Variants in RANBP10 observed in about 807,000 individuals in gnomAD.
RANBP10 encodes RAN binding protein 10, also known as ran-binding protein 10.
In RANBP10, 24 loss-of-function variants were observed where a neutral mutation model predicts 72.8. The observed-to-expected ratio is 0.33, with a 90% CI of 0.24 to 0.46. RANBP10 has a LOEUF of 0.46. Ranked by LOEUF, RANBP10 falls within the 20% of genes least tolerant of loss-of-function variation. The probability of loss-of-function intolerance (pLI) is 1.00; values close to 1 mark genes in which losing one functional copy is unlikely to be tolerated. For synonymous variants in RANBP10, 310 were observed against 322.3 expected, an observed-to-expected ratio of 0.96 and a Z score of 0.41; for missense variants, 679 against 817.5, an observed-to-expected ratio of 0.83 and a Z score of 2.07.
Position 67,729,791 on chromosome 16 carries a change from T to C in RANBP10, c.1036A>G (p.Ser346Gly). 6.2e-7 allele frequency: 1 copy of C among 1,614,094 alleles called. No individual in the cohort carries two copies. Among genetic ancestry groups the C allele is most frequent in the African/African-American group, 1.3e-5 (1 of 75,038 alleles). ...QFVEMVNGTDSEVRSLSSRSP... is the reference protein window; with the variant it reads ...QFVEMVNGTDGEVRSLSSRSP... ...CGGGAGCTCAAACTTCGGACCTCAC[T>C]GTCCGTCCCATTCACCATCTCCACA... is the stretch of plus-strand genomic sequence containing the variant. Residue 346 changes from serine to glycine, a missense_variant, in exon 9 of 14, where the codon AGT (serine) becomes GGT (glycine). By Grantham distance (56) the Ser-to-Gly change is moderately conservative. Transcript: ENST00000317506. This position sits in a 1 kb window ranked among gnomAD's most constrained non-coding sequence, Gnocchi z 7.1.
intron 2 of RANBP10, among the ~76,000 whole-genome samples, chr16:67,788,545 C>A (rs1398085056): frequency 6.6e-6 from 1 of 151,626 alleles, no homozygotes; most frequent in East Asian, 1.9e-4. Flanking sequence ...CGTGAGCCAG[C>A]GCGCCCAGCC....
chr16:67,783,457 T>C (rs912879339), intron 2 of RANBP10, among the ~76,000 whole-genome samples: 12 of 152,140 alleles, frequency 7.9e-5, no homozygotes, highest in Admixed American at 1.3e-4. Flanking sequence ...TGAAGAGTTC[T>C]GAGGTGACAA....
intron 2 of RANBP10, among the ~76,000 whole-genome samples, chr16:67,783,082 C>T (rs2054844192): frequency 6.6e-6 from 1 of 152,140 alleles, no homozygotes; most frequent in South Asian, 2.1e-4. Context: ...CACAACAGTA[C>T]AGCTTCAGAA....
At chr16:67,782,369 A>G (rs909753319) in intron 2 of RANBP10, among the ~76,000 whole-genome samples, 9 of 152,138 alleles carry the variant, frequency 5.9e-5, no homozygotes, top group Admixed American at 6.6e-5. Context: ...TCAAGCGATC[A>G]GCCTGCCTTG....
At chr16:67,780,110 T>C (rs550245668) in intron 2 of RANBP10, among the ~76,000 whole-genome samples, 1 of 152,070 alleles carries the variant, frequency 6.6e-6, no homozygotes, top group African/African-American at 2.4e-5. Flanking sequence ...CGGGTGCCTG[T>C]AGTCCCAGCT....
chr16:67,793,456 T>C (rs536365320), intron 2 of RANBP10, among the ~76,000 whole-genome samples: 2 of 150,806 alleles, frequency 1.3e-5, no homozygotes, highest in South Asian at 4.2e-4. Context: ...GGATTACAGG[T>C]ATACGCCACC....
In RANBP10 at chr16:67,761,480, T is replaced by C. The variant is rs541118743; in HGVS notation, c.400+10554A>G. 2.0e-5 allele frequency among the ~76,000 whole-genome samples: 3 copies of C among 152,364 alleles called. No homozygotes were observed. The South Asian group carries it at 6.2e-4, about 32-fold the overall frequency. Reference sequence around the variant, plus strand: ...CTACAGCTACCGTACTAAACACGCCTATTCAAACACAGAAGACCAAGCACT... The same window carrying C: ...CTACAGCTACCGTACTAAACACGCCCATTCAAACACAGAAGACCAAGCACT... On this transcript the variant is annotated intron_variant, in intron 3 of 13. Coordinates refer to ENST00000317506, the MANE Select transcript of RANBP10 (RefSeq NM_020850.3).
At position 67,790,168 on chromosome 16, in the gene RANBP10, C is replaced by G. The variant is rs541678751; in HGVS notation, c.347+15260G>C. 3.3e-5 allele frequency among the ~76,000 whole-genome samples: 5 copies of G among 150,134 alleles called. No individual in the cohort carries two copies. The South Asian group carries it at 8.3e-4, about 25-fold the overall frequency. ...CCACAACACAGATAAACCTTGAAAACATAATGCTATGTGAAATGGGTCAGA... is the reference window on the plus strand; with the variant it reads ...CCACAACACAGATAAACCTTGAAAAGATAATGCTATGTGAAATGGGTCAGA... On this transcript the variant is annotated intron_variant, in intron 2 of 13. Coordinates refer to ENST00000317506, the MANE Select transcript of RANBP10 (RefSeq NM_020850.3).
intron 4 of RANBP10, among the ~76,000 whole-genome samples, chr16:67,742,941 G>A (rs2053997347): frequency 6.6e-6 from 1 of 152,238 alleles, no homozygotes; most frequent in African/African-American, 2.4e-5. Context: ...ACTGCAGCCA[G>A]GTGGTCATCA....
intron 2 of RANBP10, among the ~76,000 whole-genome samples, chr16:67,776,800 A>AG (rs2054714787): frequency 1.3e-5 from 2 of 152,154 alleles, no homozygotes; most frequent in African/African-American, 4.8e-5. Context: ...AAAAAGAAAA[A>AG]AAAAAAGAAC....
chr16:67,795,710 C>A (rs2055118854), intron 2 of RANBP10, among the ~76,000 whole-genome samples: 1 of 151,014 alleles, frequency 6.6e-6, no homozygotes. Flanking sequence ...AAAAAATTAG[C>A]CAGGTGCGGT....
chr16:67,781,122 C>G (rs2054801872), intron 2 of RANBP10, among the ~76,000 whole-genome samples: 1 of 152,224 alleles, frequency 6.6e-6, no homozygotes, highest in African/African-American at 2.4e-5. Flanking sequence ...CAAACGAGCA[C>G]CTGAGCGCAG....
At chr16:67,745,946 C>T (rs546920690) in intron 3 of RANBP10, among the ~76,000 whole-genome samples, 3 of 151,622 alleles carry the variant, frequency 2.0e-5, no homozygotes, top group South Asian at 4.2e-4. Flanking sequence ...CAACTGAGGT[C>T]GGGAGTTCAA....
chr16:67,803,933 T>C (rs1338613381), intron 2 of RANBP10, among the ~76,000 whole-genome samples: 3 of 150,772 alleles, frequency 2.0e-5, no homozygotes, highest in African/African-American at 4.9e-5. Context: ...GCAGCTTAGA[T>C]GCTGGCCTGG....
intron 3 of RANBP10, among the ~76,000 whole-genome samples, chr16:67,752,275 C>A (rs2054211488): frequency 6.6e-6 from 1 of 152,114 alleles, no homozygotes; most frequent in African/African-American, 2.4e-5. Context: ...TCCAGGTGGG[C>A]CAATGTAATC....
At chr16:67,803,052 G>A (rs2055265671) in intron 2 of RANBP10, among the ~76,000 whole-genome samples, 1 of 152,156 alleles carries the variant, frequency 6.6e-6, no homozygotes, top group African/African-American at 2.4e-5. Context: ...TGAGACTCCA[G>A]CACCACCATT....
At chr16:67,761,028 A>T (rs2054386335) in intron 3 of RANBP10, among the ~76,000 whole-genome samples, 1 of 152,094 alleles carries the variant, frequency 6.6e-6, no homozygotes, top group African/African-American at 2.4e-5. Context: ...CTGCCAGCTC[A>T]CCGACACCAG....
At chr16:67,806,213 G>C (rs1292412157) in intron 1 of RANBP10, 89 bp downstream of exon 1, 1 of 1,277,736 alleles carries the variant, frequency 7.8e-7, no homozygotes, top group Admixed American at 2.5e-5. Context: ...CCTAGGCAGG[G>C]AAAGGGAGGT....
chr16:67,774,688 T>C (rs977329212), intron 2 of RANBP10, among the ~76,000 whole-genome samples: 2 of 152,192 alleles, frequency 1.3e-5, no homozygotes, highest in South Asian at 2.1e-4. Context: ...GGAGCCCAGG[T>C]TGCATATTCC....
Sources: gnomAD v4.1 joint callset for allele counts (sites outside exome capture counted in the v4.1 genomes callset) on GRCh38, gnomAD v4.1.1 for gene constraint, Gnocchi (gnomAD v3.1) non-coding constraint, MANE v1.5 for transcripts, NCBI Gene and HGNC (gene_info 2026-07-23, HGNC 2026-07-21) for gene names.